CACNA1C: variants seen among roughly 807,000 people sequenced by gnomAD.
CACNA1C encodes calcium voltage-gated channel subunit alpha1 C.
CACNA1C carries 30 observed loss-of-function variants against 229.0 expected under a neutral mutation model. That is an observed-to-expected ratio of 0.13 (90% CI 0.10 to 0.18). The LOEUF is 0.18. Among genes scored for constraint, CACNA1C ranks in the 10% least tolerant of loss-of-function variants. The probability of loss-of-function intolerance (pLI) is 1.00; values close to 1 mark genes in which losing one functional copy is unlikely to be tolerated. For missense variants in CACNA1C, 1,658 were observed against 2,845.0 expected (o/e 0.58, Z 9.49); for synonymous variants, 1,114 against 1,132.5 (o/e 0.98, Z 0.33).
At chr12:2,008,129 A>ATTTT (rs36121724) in intron 1 of CACNA1C, among the ~76,000 whole-genome samples, 2 of 151,774 alleles carry the variant, frequency 1.3e-5, no homozygotes, top group South Asian at 2.1e-4. Flanking sequence ...TTATTTATTT[A>ATTTT]TTTTTTGAGA....
intron 3 of CACNA1C, among the ~76,000 whole-genome samples, chr12:2,231,511 A>G (rs1337075638): frequency 6.6e-6 from 1 of 152,162 alleles, no homozygotes; most frequent in African/African-American, 2.4e-5. Flanking sequence ...CGCATTACTT[A>G]ATTATAAGAA....
chr12:2,353,395 G>C (rs945097909), intron 3 of CACNA1C, among the ~76,000 whole-genome samples: 1 of 152,226 alleles, frequency 6.6e-6, no homozygotes, highest in African/African-American at 2.4e-5. Context: ...CCTGTCCCAT[G>C]CCAGGAGCGC....
At chr12:2,114,656 T>C (rs190212461) in intron 1 of CACNA1C, among the ~76,000 whole-genome samples, 1 of 152,324 alleles carries the variant, frequency 6.6e-6, no homozygotes, top group Admixed American at 6.5e-5. Context: ...ATTATATTTA[T>C]TTTTGTTTAT....
chr12:2,588,619 G>C (rs1488343872), intron 18 of CACNA1C, among the ~76,000 whole-genome samples: 1 of 152,134 alleles, frequency 6.6e-6, no homozygotes, highest in Non-Finnish European at 1.5e-5. Context: ...TTCAACAAGG[G>C]GCCATCGAGG....
intron 29 of CACNA1C, among the ~76,000 whole-genome samples, chr12:2,627,551 C>G (rs1053643639): frequency 6.6e-6 from 1 of 152,112 alleles, no homozygotes; most frequent in Non-Finnish European, 1.5e-5. Flanking sequence ...CTCCCTCCCC[C>G]ACAGCCACCT....
intron 3 of CACNA1C, among the ~76,000 whole-genome samples, chr12:2,178,291 CAGCGGCTG>C (rs1375695275): frequency 3.3e-5 from 5 of 152,188 alleles, no homozygotes; most frequent in African/African-American, 1.2e-4. Flanking sequence ...TTGGAGGAGC[CAGCGGCTG>C]GCTATCGAGA....
At chr12:2,334,059 G>T (rs1011677965) in intron 3 of CACNA1C, among the ~76,000 whole-genome samples, 2 of 152,188 alleles carry the variant, frequency 1.3e-5, no homozygotes. Context: ...AAGGAGATGG[G>T]CTAGATCATT....
rs2096894400 is a variant in CACNA1C at position 2,677,682 on chromosome 12, A to T, written c.4957-51A>T. ...GGCCCGAGGCTGTGGCTGGCTGGGGAGCTTGGAGGAAAGGGAGCGTGGTCC... is the reference window on the plus strand; with the variant it reads ...GGCCCGAGGCTGTGGCTGGCTGGGGTGCTTGGAGGAAAGGGAGCGTGGTCC... On this transcript the variant is annotated intron_variant, in intron 40 of 46. Transcript: ENST00000399655. This position sits in a 1 kb window ranked among gnomAD's most constrained non-coding sequence, Gnocchi z 7.4. 1 of 1,569,748 alleles carries T rather than the reference A, an allele frequency of 6.4e-7. No individual in the cohort carries two copies. Among genetic ancestry groups the T allele is most frequent in the Non-Finnish European group, 8.6e-7 (1 of 1,160,420 alleles).
At chr12:2,556,998 T>TCTTC in intron 11 of CACNA1C, 21 bp downstream of exon 11, 1 of 1,606,752 alleles carries the variant, frequency 6.2e-7, no homozygotes, top group Non-Finnish European at 8.5e-7. Flanking sequence ...CTCACGCTGC[T>TCTTC]CTTCCTTCCT....
intron 1 of CACNA1C, among the ~76,000 whole-genome samples, chr12:2,058,129 C>A (rs2055961707): frequency 1.3e-5 from 2 of 152,162 alleles, no homozygotes; most frequent in Admixed American, 6.5e-5. Flanking sequence ...TTTCTTCACT[C>A]GGTTTTCTTA....
intron 7 of CACNA1C, among the ~76,000 whole-genome samples, chr12:2,502,065 G>C (rs1244957124): frequency 6.6e-6 from 1 of 152,184 alleles, no homozygotes; most frequent in Non-Finnish European, 1.5e-5. Flanking sequence ...ACACAGGCCT[G>C]CTGAGCCTGG....
intron 1 of CACNA1C, among the ~76,000 whole-genome samples, chr12:2,080,289 A>AAAAAAACAG (rs2065029865): frequency 6.6e-6 from 1 of 151,798 alleles, no homozygotes; most frequent in South Asian, 2.1e-4. Flanking sequence ...AAAAAAAACA[A>AAAAAAACAG]ATAAAATAAC....
chr12:2,491,416 AAGAG>A (rs778870071), intron 6 of CACNA1C, among the ~76,000 whole-genome samples: 3 of 152,106 alleles, frequency 2.0e-5, no homozygotes, highest in Non-Finnish European at 2.9e-5. Context: ...GTGGGAGAGA[AAGAG>A]AGGAGAGGAG....
At chr12:2,520,235 C>T (rs2099807183) in intron 9 of CACNA1C, among the ~76,000 whole-genome samples, 4 of 74,664 alleles carry the variant, frequency 5.4e-5, no homozygotes, top group African/African-American at 2.5e-4. Context: ...GAAGCCATGA[C>T]AGTCTTCTCA....
chr12:2,690,798 G>C, intron 46 of CACNA1C, 102 bp from the exon 47 acceptor site: 1 of 1,190,620 alleles, frequency 8.4e-7, no homozygotes, highest in East Asian at 2.6e-5. Flanking sequence ...ACTTCCCCAA[G>C]TGACCTACCA....
intron 3 of CACNA1C, among the ~76,000 whole-genome samples, chr12:2,370,201 A>T (rs2097827835): frequency 6.6e-6 from 1 of 152,248 alleles, no homozygotes; most frequent in Non-Finnish European, 1.5e-5. Flanking sequence ...CACAGATTAA[A>T]AAAATACATT....
At chr12:2,099,786 A>G (rs947416113) in intron 1 of CACNA1C, among the ~76,000 whole-genome samples, 1 of 151,340 alleles carries the variant, frequency 6.6e-6, no homozygotes, top group African/African-American at 2.4e-5. Flanking sequence ...CTGCCTGCCA[A>G]CCTGCCTGAG....
intron 3 of CACNA1C, among the ~76,000 whole-genome samples, chr12:2,170,738 C>T (rs985648294): frequency 2.6e-5 from 4 of 152,188 alleles, no homozygotes; most frequent in African/African-American, 4.8e-5. Context: ...TTTCTCTTTC[C>T]TCTCCCACGT....
In CACNA1C at chr12:2,465,453, G is replaced by T. The variant is rs191178138; in HGVS notation, c.757+7747G>T. On this transcript the variant is annotated intron_variant, in intron 5 of 46. Transcript: ENST00000399655. ...TTTATGTGGAACAGGCAGGGATGGGGATGGAAGGACATCTGAGGGTGAAAA... is the reference window on the plus strand; with the variant it reads ...TTTATGTGGAACAGGCAGGGATGGGTATGGAAGGACATCTGAGGGTGAAAA... Among the ~76,000 whole-genome samples, 239 of 152,294 alleles carry T rather than the reference G, an allele frequency of 1.6e-3. 2 individuals are homozygous for T. Among genetic ancestry groups the T allele is most frequent in the African/African-American group, 5.5e-3 (228 of 41,570 alleles).
Sources: allele counts gnomAD v4.1 joint callset (sites outside exome capture counted in the v4.1 genomes callset), GRCh38; gene constraint gnomAD v4.1.1; non-coding constraint Gnocchi (gnomAD v3.1); transcripts MANE v1.5; gene names NCBI Gene and HGNC (gene_info 2026-07-23, HGNC 2026-07-21).